Variants in BACH2 observed in about 807,000 individuals in gnomAD.
BACH2 encodes BACH transcriptional regulator 2.
In BACH2, 5 loss-of-function variants were observed where a neutral mutation model predicts 61.8. The ratio of observed to expected loss-of-function variants is 0.08; its 90% CI spans 0.04 to 0.17. The LOEUF is 0.17. BACH2 is among the 10% of genes least tolerant of loss of function. The pLI is 1.00. For synonymous variants in BACH2, 446 were observed against 440.1 expected, an observed-to-expected ratio of 1.01 and a Z score of -0.17; for missense variants, 824 against 1,091.1, an observed-to-expected ratio of 0.76 and a Z score of 3.45.
chr6:90,061,355 G>A (rs1780677956), intron 5 of BACH2, among the ~76,000 whole-genome samples: 1 of 152,198 alleles, frequency 6.6e-6, no homozygotes, highest in South Asian at 2.1e-4. Context: ...GGCTGGTGGT[G>A]TCATTTCATT....
chr6:90,086,618 G>A (rs1324598547), intron 5 of BACH2, among the ~76,000 whole-genome samples: 6 of 152,096 alleles, frequency 3.9e-5, no homozygotes, highest in Non-Finnish European at 7.4e-5. Flanking sequence ...GGCAGGTCCT[G>A]CCAGATCCAG....
intron 1 of BACH2, among the ~76,000 whole-genome samples, chr6:90,291,875 C>G (rs1477202353): frequency 2.0e-5 from 3 of 152,140 alleles, no homozygotes; most frequent in African/African-American, 4.8e-5. Context: ...CAAAGAAATT[C>G]CAATTTTTGC....
At chr6:90,283,587 G>A (rs1356404760) in intron 1 of BACH2, among the ~76,000 whole-genome samples, 1 of 150,442 alleles carries the variant, frequency 6.6e-6, no homozygotes, top group African/African-American at 2.4e-5. Flanking sequence ...GTTTTAGCCA[G>A]GATGGTCCCG....
intron 1 of BACH2, among the ~76,000 whole-genome samples, chr6:90,292,425 A>G (rs1772207426): frequency 6.6e-6 from 1 of 152,218 alleles, no homozygotes; most frequent in African/African-American, 2.4e-5. Context: ...AAGTTACCCC[A>G]TCTGGTCAGT....
intron 5 of BACH2, among the ~76,000 whole-genome samples, chr6:90,069,823 G>A (rs539976607): frequency 1.4e-4 from 22 of 152,258 alleles, no homozygotes; most frequent in African/African-American, 4.6e-4. Flanking sequence ...AAGCAGAGGA[G>A]GAAGGAAGAA....
chr6:90,202,514 C>A (rs914985398), intron 4 of BACH2, among the ~76,000 whole-genome samples: 3 of 152,160 alleles, frequency 2.0e-5, no homozygotes, highest in African/African-American at 4.8e-5. Flanking sequence ...TACTCTACTT[C>A]ATTTGGATGC....
chr6:90,042,492 C>T (rs1779585442), intron 5 of BACH2, among the ~76,000 whole-genome samples: 1 of 152,038 alleles, frequency 6.6e-6, no homozygotes, highest in African/African-American at 2.4e-5. Flanking sequence ...GACCACTGTG[C>T]CCAGCCAAGA....
intron 6 of BACH2, among the ~76,000 whole-genome samples, chr6:89,973,773 C>T (rs557709926): frequency 6.6e-6 from 1 of 152,046 alleles, no homozygotes; most frequent in East Asian, 1.9e-4. Context: ...GAGGAGTTCC[C>T]TGGCAAAGGT....
intron 3 of BACH2, among the ~76,000 whole-genome samples, chr6:90,210,992 T>C (rs971335634): frequency 1.3e-5 from 2 of 151,506 alleles, no homozygotes; most frequent in African/African-American, 4.8e-5. Flanking sequence ...TCATCTCTAC[T>C]AAAAATACAA....
chr6:90,053,999 G>A (rs559511689), intron 5 of BACH2, among the ~76,000 whole-genome samples: 59 of 152,294 alleles, frequency 3.9e-4, no homozygotes, highest in Non-Finnish European at 7.6e-4. Flanking sequence ...AGCCAAGATG[G>A]CCGAATAGGA....
chr6:90,145,826 A>T (rs898001684), intron 4 of BACH2, among the ~76,000 whole-genome samples: 1 of 152,228 alleles, frequency 6.6e-6, no homozygotes, highest in Non-Finnish European at 1.5e-5. Context: ...GAGAGGTAAA[A>T]CACATGGGTT....
intron 3 of BACH2, among the ~76,000 whole-genome samples, chr6:90,242,116 T>C (rs900614127): frequency 1.3e-5 from 2 of 152,192 alleles, no homozygotes; most frequent in Non-Finnish European, 2.9e-5. Flanking sequence ...ACAGTCAATA[T>C]AGTTTACATA....
At chr6:90,296,305 T>A (rs1295726204) in intron 1 of BACH2, among the ~76,000 whole-genome samples, 175 bp downstream of exon 1, 2 of 151,050 alleles carry the variant, frequency 1.3e-5, no homozygotes, top group Admixed American at 6.6e-5. Flanking sequence ...TCCTAGAAAA[T>A]GCCATAAAAG....
intron 3 of BACH2, among the ~76,000 whole-genome samples, chr6:90,230,999 T>A (rs1770078749): frequency 6.6e-6 from 1 of 152,116 alleles, no homozygotes; most frequent in Admixed American, 6.5e-5. Context: ...AGGAATGTGG[T>A]ACCCTGTTTC....
In BACH2 at chr6:90,250,785, TAA is replaced by T. The variant is rs549888550; in HGVS notation, c.-275+1726_-275+1727del. The stretch of plus-strand genomic sequence containing the variant: ...ACTGAGTTATATACTCAAAAATGGT[TAA>T]GAGAATAAATGTGTTCATTTAACCA... On this transcript the variant is annotated intron_variant, in intron 3 of 8. Coordinates refer to ENST00000257749, the MANE Select transcript of BACH2 (RefSeq NM_021813.4). Among the ~76,000 whole-genome samples, 606 of 152,336 alleles carry T rather than the reference TAA, an allele frequency of 4.0e-3. 4 individuals carry two copies. Among genetic ancestry groups the T allele is most frequent in the African/African-American group, 0.013 (551 of 41,572 alleles).
chr6:90,039,104 A>T (rs953956832), intron 5 of BACH2, among the ~76,000 whole-genome samples: 2 of 152,080 alleles, frequency 1.3e-5, no homozygotes, highest in African/African-American at 4.8e-5. Context: ...ACTTAAAAAT[A>T]TAGTTTCTTC....
At chr6:89,968,134 T>C (rs77872013) in intron 6 of BACH2, among the ~76,000 whole-genome samples, 1 of 152,084 alleles carries the variant, frequency 6.6e-6, no homozygotes, top group African/African-American at 2.4e-5. Context: ...AATTCCAACA[T>C]ATGAAAACTG....
At chr6:90,110,880 T>C (rs1415199703) in intron 4 of BACH2, among the ~76,000 whole-genome samples, 14 of 152,238 alleles carry the variant, frequency 9.2e-5, no homozygotes, top group Admixed American at 8.5e-4. Context: ...TTATGTGTCC[T>C]TCCCATTTTG....
intron 6 of BACH2, among the ~76,000 whole-genome samples, chr6:90,002,997 A>T (rs1777215404): frequency 6.6e-6 from 1 of 152,164 alleles, no homozygotes. Context: ...CCAGAATCTG[A>T]CACCAACCAC....
Sources: gnomAD v4.1 joint callset for allele counts (sites outside exome capture counted in the v4.1 genomes callset) on GRCh38, gnomAD v4.1.1 for gene constraint, MANE v1.5 for transcripts, NCBI Gene and HGNC (gene_info 2026-07-23, HGNC 2026-07-21) for gene names.